Variants in MRTFA observed in about 807,000 individuals in gnomAD.
MRTFA encodes the protein myocardin-related transcription factor A.
A neutral mutation model predicts 83.5 loss-of-function variants in MRTFA; 20 were observed. That is an observed-to-expected ratio of 0.24 (90% confidence interval 0.17 to 0.35). MRTFA has a LOEUF of 0.35. Among genes scored for constraint, MRTFA ranks in the 10% least tolerant of loss-of-function variants. The pLI, the probability that MRTFA is intolerant of heterozygous loss-of-function variation, is 1.00. For missense variants in MRTFA, 1,200 were observed against 1,224.7 expected (o/e 0.98, Z 0.30); for synonymous variants, 659 against 541.2 (o/e 1.22, Z -3.02).
chr22:40,581,871 A>C (rs1382284599), intron 2 of MRTFA, among the ~76,000 whole-genome samples: 1 of 152,202 alleles, frequency 6.6e-6, no homozygotes, highest in Admixed American at 6.5e-5. Context: ...CAGGTATCTT[A>C]CCTATACAGA....
chr22:40,413,386 C>G (rs1187224853), intron 14 of MRTFA, among the ~76,000 whole-genome samples: 1 of 150,002 alleles, frequency 6.7e-6, no homozygotes, highest in Admixed American at 6.6e-5. Flanking sequence ...GTTGCCCAGG[C>G]TGCAGTGCAG....
chr22:40,512,033 T>C (rs548057730), intron 3 of MRTFA, among the ~76,000 whole-genome samples: 8 of 152,178 alleles, frequency 5.3e-5, no homozygotes, highest in Admixed American at 3.3e-4. Context: ...ACAGGTGAGA[T>C]GAGGCCTAGA....
chr22:40,424,315 A>G lies in MRTFA; in HGVS notation c.668T>C (p.Leu223Ser). The change falls in exon 8 of 15, where the codon TTA becomes TCA. Residue 223 changes from leucine to serine, a missense_variant. Coordinates refer to ENST00000355630, the MANE Select transcript of MRTFA (RefSeq NM_020831.6). ...ATGGCTGGCAGGCTGCTCGGGGGAT[A>G]AGGCATCGCTGCTGTCCTCATCGAA... The G allele has an allele frequency of 6.2e-7, 1 of 1,612,690 alleles. No homozygotes were observed. The highest frequency in any genetic ancestry group is 8.5e-7 in the Non-Finnish European group (1 of 1,179,402).
intron 2 of MRTFA, among the ~76,000 whole-genome samples, chr22:40,562,149 G>A (rs550136593): frequency 3.3e-5 from 5 of 151,830 alleles, no homozygotes; most frequent in African/African-American, 1.2e-4. Context: ...CCCGGGAGGC[G>A]GAGCTTCCAG....
At chr22:40,446,593 A>AGCTACTCTGGAGGCTGAGG (rs2053382417) in intron 4 of MRTFA, among the ~76,000 whole-genome samples, 2 of 152,174 alleles carry the variant, frequency 1.3e-5, no homozygotes, top group African/African-American at 4.8e-5. Flanking sequence ...AAGCCTGTAG[A>AGCTACTCTGGAGGCTGAGG]CAGAAAGACA....
Position 40,560,314 on chromosome 22 carries a change from A to G in MRTFA, c.-21-7947T>C, listed in dbSNP as rs563790036. Among the ~76,000 whole-genome samples, 3 of 152,364 alleles carry G rather than the reference A, an allele frequency of 2.0e-5. No individual in the cohort carries two copies. The East Asian group carries it at 5.8e-4, about 29-fold the overall frequency. ...CACAGAATGATGGGAAGACTCAGTGAGACACAGCAAGGTTTCCTTAACCTT... is the reference window on the plus strand; with the variant it reads ...CACAGAATGATGGGAAGACTCAGTGGGACACAGCAAGGTTTCCTTAACCTT... On this transcript the variant is annotated intron_variant, in intron 2 of 14. Coordinates refer to ENST00000355630, the MANE Select transcript of MRTFA (RefSeq NM_020831.6).
At chr22:40,499,441 T>C (rs186083186) in intron 3 of MRTFA, among the ~76,000 whole-genome samples, 2 of 152,284 alleles carry the variant, frequency 1.3e-5, no homozygotes, top group East Asian at 3.9e-4. Context: ...CAAGCAGAAC[T>C]TTCTGAAACA....
At chr22:40,563,553 CAGA>C (rs2055661043) in intron 2 of MRTFA, among the ~76,000 whole-genome samples, 1 of 145,736 alleles carries the variant, frequency 6.9e-6, no homozygotes, top group Non-Finnish European at 1.5e-5. Context: ...TATAAATACA[CAGA>C]AGATCAGAAA....
At chr22:40,572,048 G>A (rs2147346672) in intron 2 of MRTFA, among the ~76,000 whole-genome samples, 1 of 150,404 alleles carries the variant, frequency 6.6e-6, no homozygotes, top group Admixed American at 6.7e-5. Context: ...TTCACACCCA[G>A]TAGGATTGGT....
chr22:40,484,449 T>C (rs1230934279), intron 3 of MRTFA, among the ~76,000 whole-genome samples: 1 of 152,172 alleles, frequency 6.6e-6, no homozygotes, highest in Non-Finnish European at 1.5e-5. Flanking sequence ...ATTTAACTAC[T>C]GTAGGATTTT....
At chr22:40,606,120 A>C (rs2056316449) in intron 1 of MRTFA, among the ~76,000 whole-genome samples, 1 of 152,166 alleles carries the variant, frequency 6.6e-6, no homozygotes, top group Non-Finnish European at 1.5e-5. Flanking sequence ...CTCCTATCCA[A>C]ATCTGCCAGC....
intron 1 of MRTFA, among the ~76,000 whole-genome samples, chr22:40,597,066 A>G (rs2056202098): frequency 6.6e-6 from 1 of 152,096 alleles, no homozygotes; most frequent in Non-Finnish European, 1.5e-5. Context: ...ACACAGTTAA[A>G]ACATTTGGTT....
intron 3 of MRTFA, among the ~76,000 whole-genome samples, chr22:40,536,519 C>G (rs1291410699): frequency 5.6e-4 from 73 of 130,668 alleles, no homozygotes; most frequent in African/African-American, 1.9e-3. Context: ...CTCTGCCCGG[C>G]CGCCACCCCG....
chr22:40,620,901 G>T (rs2056515422), intron 1 of MRTFA, among the ~76,000 whole-genome samples: 1 of 152,150 alleles, frequency 6.6e-6, no homozygotes, highest in Non-Finnish European at 1.5e-5. Flanking sequence ...AAGGCTGTTG[G>T]CTGGATGTGG....
chr22:40,414,762 T>TG (rs1174240725), intron 14 of MRTFA, among the ~76,000 whole-genome samples: 3 of 152,022 alleles, frequency 2.0e-5, no homozygotes, highest in African/African-American at 7.3e-5. Flanking sequence ...CCTTATGGGG[T>TG]GATGAAGTTC....
chr22:40,412,110 G>T, intron 14 of MRTFA: 1 of 413,116 alleles, frequency 2.4e-6, no homozygotes. Context: ...GTGATATCCG[G>T]AATACACAGA....
intron 3 of MRTFA, among the ~76,000 whole-genome samples, chr22:40,463,661 T>A (rs144558628): frequency 6.6e-6 from 1 of 152,246 alleles, no homozygotes; most frequent in African/African-American, 2.4e-5. Context: ...GCTTTCCAGA[T>A]GCTCTACGCT....
intron 3 of MRTFA, chr22:40,526,183 T>TTTGTTGTTGTTG: frequency 6.6e-6 from 1 of 151,450 alleles, no homozygotes; most frequent in East Asian, 2.0e-4. Flanking sequence ...GCCTGGCTAA[T>TTTGTTGTTGTTG]TTGTTGTTGT....
At chr22:40,536,975 C>T (rs1198070192) in intron 3 of MRTFA, among the ~76,000 whole-genome samples, 10 of 93,616 alleles carry the variant, frequency 1.1e-4, no homozygotes, top group Non-Finnish European at 1.6e-4. Context: ...AAGTGAGGAG[C>T]GTCTCCGCCC....
Sources: allele counts gnomAD v4.1 joint callset (sites outside exome capture counted in the v4.1 genomes callset), GRCh38; gene constraint gnomAD v4.1.1; transcripts MANE v1.5; gene names NCBI Gene and HGNC (gene_info 2026-07-23, HGNC 2026-07-21).